RALGPS2: variants seen among roughly 807,000 people sequenced by gnomAD.
RALGPS2 encodes Ral GEF with PH domain and SH3 binding motif 2.
A neutral mutation model predicts 86.8 loss-of-function variants in RALGPS2; 43 were observed. The ratio of observed to expected loss-of-function variants is 0.50; its 90% CI spans 0.39 to 0.64. The LOEUF (loss-of-function observed/expected upper bound fraction) is 0.64, where lower values mean the gene tolerates loss of function less well. Ranked by LOEUF, RALGPS2 falls within the 30% of genes least tolerant of loss-of-function variation. The pLI, the probability that RALGPS2 is intolerant of heterozygous loss-of-function variation, is 0.00. For synonymous variants in RALGPS2, 243 were observed against 231.3 expected, an observed-to-expected ratio of 1.05 and a Z score of -0.46; for missense variants, 536 against 694.6, an observed-to-expected ratio of 0.77 and a Z score of 2.57.
intron 3 of RALGPS2, 77 bp from the exon 4 acceptor site, chr1:178,785,480 A>G (rs1653605768): frequency 7.0e-7 from 1 of 1,434,574 alleles, no homozygotes. Flanking sequence ...TTAGTATAGA[A>G]TATAATTTTA....
intron 9 of RALGPS2, among the ~76,000 whole-genome samples, 182 bp downstream of exon 9, chr1:178,877,817 C>T (rs1659064903): frequency 6.6e-6 from 1 of 151,968 alleles, no homozygotes; most frequent in Non-Finnish European, 1.5e-5. Flanking sequence ...TGTTTAAGAT[C>T]TTGCTTTTAA....
intron 1 of RALGPS2, among the ~76,000 whole-genome samples, chr1:178,762,074 T>C (rs776906506): frequency 5.9e-5 from 9 of 152,278 alleles, no homozygotes; most frequent in Non-Finnish European, 1.2e-4. Flanking sequence ...CTGTACTCAG[T>C]GTTTAACTCC....
chr1:178,893,690 A>G (rs1249215160), intron 15 of RALGPS2: 3 of 353,796 alleles, frequency 8.5e-6, no homozygotes, highest in East Asian at 5.2e-5. Context: ...TCAAATATGT[A>G]ATAAAGTGTG....
chr1:178,920,092 T>C lies in RALGPS2; in HGVS notation c.*3733T>C, dbSNP rs1196674737. On this transcript the variant is annotated 3_prime_UTR_variant, in exon 20 of 20. Coordinates refer to ENST00000367635, the MANE Select transcript of RALGPS2 (RefSeq NM_152663.5). ...CTTTCAAACATAGTAAATATATGAT[T>C]TTACAGCCAAAGTGGTATTCTGTTT... 1 of 152,026 alleles carries C rather than the reference T, an allele frequency of 6.6e-6. No homozygotes were observed. The highest frequency in any genetic ancestry group is 1.5e-5 in the Non-Finnish European group (1 of 67,906). The allele number at this position is 152,026 out of a possible 1,614,324, so 9.4% of individuals were successfully genotyped here.
chr1:178,861,899 G>T (rs1658040771), intron 8 of RALGPS2, among the ~76,000 whole-genome samples: 1 of 152,080 alleles, frequency 6.6e-6, no homozygotes, highest in Non-Finnish European at 1.5e-5. Flanking sequence ...TGTTGTTTGA[G>T]TCTCACTCTG....
chr1:178,762,340 G>A (rs35105644), intron 1 of RALGPS2, among the ~76,000 whole-genome samples: 37,668 of 151,988 alleles, frequency 0.25, 5,228 homozygotes, highest in Non-Finnish European at 0.32. Flanking sequence ...TCTTTGTGTT[G>A]GAACAATTTA....
chr1:178,871,381 T>C (rs1329105905), intron 8 of RALGPS2, among the ~76,000 whole-genome samples: 1 of 152,142 alleles, frequency 6.6e-6, no homozygotes, highest in African/African-American at 2.4e-5. Flanking sequence ...AAAATAGTGC[T>C]CCACTTCACT....
At chr1:178,801,093 A>G (rs1425774597) in intron 4 of RALGPS2, among the ~76,000 whole-genome samples, 2 of 151,870 alleles carry the variant, frequency 1.3e-5, no homozygotes, top group Admixed American at 6.6e-5. Flanking sequence ...CGCCTGGCTA[A>G]TTTTTGTATT....
intron 7 of RALGPS2, among the ~76,000 whole-genome samples, chr1:178,826,706 A>T (rs1419717669): frequency 6.6e-6 from 1 of 152,218 alleles, no homozygotes; most frequent in East Asian, 1.9e-4. Flanking sequence ...CACAGTTTTT[A>T]AAAAATAGGT....
chr1:178,883,898 A>G (rs1659365089), intron 11 of RALGPS2, among the ~76,000 whole-genome samples: 1 of 152,144 alleles, frequency 6.6e-6, no homozygotes, highest in South Asian at 2.1e-4. Flanking sequence ...CTGAGGCAGC[A>G]GAATGGCGTG....
At chr1:178,780,018 G>C (rs1317056829) in intron 2 of RALGPS2, among the ~76,000 whole-genome samples, 1 of 152,180 alleles carries the variant, frequency 6.6e-6, no homozygotes. Context: ...ATAGATGTGA[G>C]CCACTGCATC....
chr1:178,831,641 C>T (rs1028151123), intron 7 of RALGPS2, among the ~76,000 whole-genome samples: 3 of 149,164 alleles, frequency 2.0e-5, no homozygotes, highest in African/African-American at 2.5e-5. Flanking sequence ...CCCCCACCCC[C>T]AGCGGTTTTT....
Position 178,897,600 on chromosome 1 carries a change from A to C in RALGPS2, c.1432-64A>C, listed in dbSNP as rs1422516400. The C allele has an allele frequency of 2.3e-6, 3 of 1,323,412 alleles. No homozygotes were observed. In the African/African-American group the frequency reaches 4.4e-5, roughly 19 times the overall value. 82.0% of individuals were successfully genotyped at this position (1,323,412 alleles called of 1,614,324 possible). ...AGTGGACTTGATCATTGGCACTTAG[A>C]ATGTAAAGAAACTAAGAAGCCAGGA... On this transcript the variant is annotated intron_variant, in intron 16 of 19. Transcript: ENST00000367635.
At chr1:178,746,173 A>C (rs1651320090) in intron 1 of RALGPS2, among the ~76,000 whole-genome samples, 1 of 152,150 alleles carries the variant, frequency 6.6e-6, no homozygotes, top group Non-Finnish European at 1.5e-5. Context: ...ATGGCAGAAA[A>C]TACTTGCAAA....
At chr1:178,743,675 A>AT (rs1651155026) in intron 1 of RALGPS2, among the ~76,000 whole-genome samples, 1 of 152,238 alleles carries the variant, frequency 6.6e-6, no homozygotes, top group South Asian at 2.1e-4. Context: ...ACATCATTAC[A>AT]GAGCCTACAG....
At chr1:178,747,818 A>T in intron 1 of RALGPS2, 2 of 643,730 alleles carry the variant, frequency 3.1e-6, no homozygotes, top group Non-Finnish European at 2.8e-6. Flanking sequence ...GCCCTGCACG[A>T]TCCGCAGAGA....
intron 8 of RALGPS2, among the ~76,000 whole-genome samples, chr1:178,846,364 A>G (rs1048473013): frequency 3.3e-5 from 5 of 152,222 alleles, no homozygotes; most frequent in Admixed American, 1.3e-4. Flanking sequence ...TCTTTTAATT[A>G]TATGTTGTTA....
At chr1:178,734,165 C>T (rs1029135767) in intron 1 of RALGPS2, among the ~76,000 whole-genome samples, 5 of 152,122 alleles carry the variant, frequency 3.3e-5, no homozygotes, top group South Asian at 4.1e-4. Flanking sequence ...AGTGAGATAC[C>T]GCTTCACACC....
chr1:178,832,224 C>T (rs11579384), intron 7 of RALGPS2, among the ~76,000 whole-genome samples: 11,553 of 152,102 alleles, frequency 0.076, 596 homozygotes, highest in Non-Finnish European at 0.11. Flanking sequence ...CATGGAATAT[C>T]CATCTAAAAC....
Sources: gnomAD v4.1 joint callset for allele counts (sites outside exome capture counted in the v4.1 genomes callset) on GRCh38, gnomAD v4.1.1 for gene constraint, MANE v1.5 for transcripts, NCBI Gene and HGNC (gene_info 2026-07-23, HGNC 2026-07-21) for gene names.